JAZF1: variants seen among roughly 807,000 people sequenced by gnomAD.
JAZF1 encodes JAZF zinc finger 1, also known as juxtaposed with another zinc finger protein 1.
In JAZF1, 8 loss-of-function variants were observed where a neutral mutation model predicts 26.4. That is an observed-to-expected ratio of 0.30 (90% confidence interval 0.18 to 0.55). The LOEUF (loss-of-function observed/expected upper bound fraction) is 0.55, where lower values mean the gene tolerates loss of function less well. JAZF1 is among the 20% of genes least tolerant of loss of function. The probability of loss-of-function intolerance (pLI) is 0.94; values close to 1 mark genes in which losing one functional copy is unlikely to be tolerated. For missense variants in JAZF1, 199 were observed against 322.0 expected (o/e 0.62, Z 2.92); for synonymous variants, 126 against 122.3 (o/e 1.03, Z -0.20).
chr7:27,991,554 G>A (rs752233173), intron 2 of JAZF1, among the ~76,000 whole-genome samples: 2 of 152,078 alleles, frequency 1.3e-5, no homozygotes, highest in Non-Finnish European at 2.9e-5. Flanking sequence ...ACAATGTTTT[G>A]AATTCATAAA....
intron 2 of JAZF1, among the ~76,000 whole-genome samples, chr7:27,940,824 C>T (rs965007355): frequency 2.6e-5 from 4 of 152,202 alleles, no homozygotes; most frequent in African/African-American, 4.8e-5. Flanking sequence ...GTTTTGTCAA[C>T]AAAATTTACT....
intron 2 of JAZF1, among the ~76,000 whole-genome samples, chr7:27,985,050 A>T (rs1390968075): frequency 1.3e-5 from 2 of 152,230 alleles, no homozygotes; most frequent in Non-Finnish European, 2.9e-5. Context: ...GAACTAGAGA[A>T]GCAAGAGCAA....
chr7:27,989,872 G>C (rs990948537), intron 2 of JAZF1, among the ~76,000 whole-genome samples: 1 of 152,226 alleles, frequency 6.6e-6, no homozygotes, highest in Non-Finnish European at 1.5e-5. Context: ...GGAAGACAGT[G>C]TGGCGATTCC....
chr7:27,852,130 C>CT (rs113021262), intron 3 of JAZF1, among the ~76,000 whole-genome samples: 46,395 of 125,126 alleles, frequency 0.37, 10,114 homozygotes, highest in East Asian at 0.51. Context: ...ATAAACAGGA[C>CT]TTTTTTTTTT....
At chr7:27,893,466 G>A (rs748264981) in intron 3 of JAZF1, among the ~76,000 whole-genome samples, 3 of 152,212 alleles carry the variant, frequency 2.0e-5, no homozygotes, top group East Asian at 1.9e-4. Flanking sequence ...TCTTACACTC[G>A]GGCCACCTGG....
chr7:28,020,204 C>T (rs769759915), intron 1 of JAZF1, among the ~76,000 whole-genome samples: 17 of 152,128 alleles, frequency 1.1e-4, no homozygotes, highest in Non-Finnish European at 1.9e-4. Context: ...TAAAACTATG[C>T]TGTAACTTAT....
At chr7:27,883,917 G>A (rs978695682) in intron 3 of JAZF1, among the ~76,000 whole-genome samples, 5 of 152,072 alleles carry the variant, frequency 3.3e-5, no homozygotes, top group African/African-American at 1.2e-4. Context: ...GAAGAATTCC[G>A]CCTACTGTCT....
intron 2 of JAZF1, among the ~76,000 whole-genome samples, chr7:27,975,460 C>A (rs940790694): frequency 7.2e-5 from 11 of 152,102 alleles, no homozygotes; most frequent in African/African-American, 2.7e-4. Context: ...TATCACATGT[C>A]AAGGAAGGAC....
At chr7:28,149,701 G>A (rs1583586418) in intron 1 of JAZF1, among the ~76,000 whole-genome samples, 1 of 152,320 alleles carries the variant, frequency 6.6e-6, no homozygotes, top group East Asian at 1.9e-4. Flanking sequence ...TGGGGGGAAA[G>A]GTCACTTATC....
At chr7:28,158,941 C>A (rs1270314198) in intron 1 of JAZF1, among the ~76,000 whole-genome samples, 1 of 152,182 alleles carries the variant, frequency 6.6e-6, no homozygotes, top group African/African-American at 2.4e-5. Context: ...GAAAGCCAGT[C>A]AGTAGGTCAG....
intron 1 of JAZF1, among the ~76,000 whole-genome samples, chr7:28,103,758 G>A (rs1202214855): frequency 6.6e-6 from 1 of 151,974 alleles, no homozygotes; most frequent in Admixed American, 6.6e-5. Context: ...CCTGGACCAG[G>A]ACCACTGGTT....
At chr7:28,020,168 T>C (rs941460589) in intron 1 of JAZF1, among the ~76,000 whole-genome samples, 9 of 152,220 alleles carry the variant, frequency 5.9e-5, no homozygotes, top group African/African-American at 2.2e-4. Flanking sequence ...TTTTTCCTCA[T>C]GCTGAAACCC....
At chr7:28,091,635 T>C (rs920972189) in intron 1 of JAZF1, among the ~76,000 whole-genome samples, 80 of 147,888 alleles carry the variant, frequency 5.4e-4, no homozygotes, top group Admixed American at 2.9e-3. Context: ...TATATATATA[T>C]ACACACACAC....
intron 1 of JAZF1, among the ~76,000 whole-genome samples, chr7:28,084,065 C>A (rs996529310): frequency 2.6e-5 from 4 of 152,082 alleles, no homozygotes; most frequent in Admixed American, 1.3e-4. Flanking sequence ...TCAGGCATTA[C>A]AAACAATACT....
chr7:28,056,685 G>A (rs940764660), intron 1 of JAZF1, among the ~76,000 whole-genome samples: 1 of 152,130 alleles, frequency 6.6e-6, no homozygotes, highest in African/African-American at 2.4e-5. Context: ...GGCTCAGGCT[G>A]CTTCTACAAT....
At chr7:27,835,406 G>A (rs540992945) in intron 4 of JAZF1, among the ~76,000 whole-genome samples, 10 of 152,290 alleles carry the variant, frequency 6.6e-5, no homozygotes, top group Admixed American at 2.0e-4. Context: ...AGGGGATTCC[G>A]GCAGGCGCTG....
At chr7:28,113,384 A>G (rs1249920071) in intron 1 of JAZF1, among the ~76,000 whole-genome samples, 2 of 152,150 alleles carry the variant, frequency 1.3e-5, no homozygotes, top group African/African-American at 4.8e-5. Context: ...TCCCTGGGCT[A>G]GTGGTGAGGC....
intron 2 of JAZF1, among the ~76,000 whole-genome samples, chr7:27,915,642 G>C (rs1416641464): frequency 6.6e-6 from 1 of 152,126 alleles, no homozygotes; most frequent in African/African-American, 2.4e-5. Flanking sequence ...ACAACATTTA[G>C]GTTGAAACAT....
At chr7:28,091,676 A>G (rs1784300454) in intron 1 of JAZF1, among the ~76,000 whole-genome samples, 1 of 150,618 alleles carries the variant, frequency 6.6e-6, no homozygotes, top group Admixed American at 6.6e-5. Context: ...ACATGCAGAG[A>G]GAGAGAGAGA....
Sources: allele counts gnomAD v4.1 joint callset (sites outside exome capture counted in the v4.1 genomes callset), GRCh38; gene constraint gnomAD v4.1.1; transcripts MANE v1.5; gene names NCBI Gene and HGNC (gene_info 2026-07-23, HGNC 2026-07-21).